The following ASS1 variants were observed in gnomAD, a reference collection of about 807,000 sequenced individuals.
ASS1 encodes the protein argininosuccinate synthase.
Under a neutral mutation model 60.5 loss-of-function variants are expected in ASS1, and 58 were observed. The observed-to-expected ratio is 0.96, with a 90% CI of 0.78 to 1.19. ASS1 has a LOEUF of 1.19. Ranked by LOEUF, ASS1 falls within the 50% of genes most tolerant of loss-of-function variation. The probability of loss-of-function intolerance (pLI) is 0.00; values close to 1 mark genes in which losing one functional copy is unlikely to be tolerated. For synonymous variants in ASS1, 200 were observed against 206.9 expected, an observed-to-expected ratio of 0.97 and a Z score of 0.29; for missense variants, 454 against 547.3, an observed-to-expected ratio of 0.83 and a Z score of 1.70.
At chr9:130,471,247 G>T (rs1321192933) in intron 7 of ASS1, among the ~76,000 whole-genome samples, 1 of 152,192 alleles carries the variant, frequency 6.6e-6, no homozygotes, top group Non-Finnish European at 1.5e-5. Context: ...CCAACCACGT[G>T]CAGAGCCCCG....
rs149172092 is a variant in ASS1, at chr9:130,477,105, C to T, written c.688+144C>T. 4.4e-4 allele frequency: 374 copies of T among 848,732 alleles called. 1 individual carries two copies. The African/African-American group carries it at 5.3e-3, about 12-fold the overall frequency. The allele number at this position is 848,732 out of a possible 1,614,324, so 52.6% of individuals were successfully genotyped here. ...AGTTCAGGCAGGGGCTTCAAGGTAA[C>T]GCACAGCCCACCTCCCTGGACAGTA... On this transcript the variant is annotated intron_variant, in intron 9 of 14. Coordinates refer to ENST00000352480, the MANE Select transcript of ASS1 (RefSeq NM_054012.4). This position sits in a 1 kb window ranked among gnomAD's most constrained non-coding sequence, Gnocchi z 4.2.
At position 130,495,164 on chromosome 9, in the gene ASS1, A is replaced by T. The variant is rs949166910; in HGVS notation, c.1127+141A>T. 4.1e-6 allele frequency: 5 copies of T among 1,212,454 alleles called. No individual in the cohort carries two copies. The South Asian group carries it at 6.5e-5, about 16-fold the overall frequency. 75.1% of individuals were successfully genotyped at this position (1,212,454 alleles called of 1,614,324 possible). A position where few individuals can be genotyped will look rare whatever the true frequency, so the allele number is the denominator to read the frequency against. ...GATGGTCACAGAGGATATAGACACC[A>T]CTATGCTCCCGTGGAACTTACAGGC... On this transcript the variant is annotated intron_variant, in intron 13 of 14. Coordinates refer to ENST00000352480, the MANE Select transcript of ASS1 (RefSeq NM_054012.4).
chr9:130,469,742 T>C (rs572541862), intron 6 of ASS1, among the ~76,000 whole-genome samples: 26 of 152,310 alleles, frequency 1.7e-4, no homozygotes, highest in Admixed American at 1.6e-3. Context: ...CTCATTTTAA[T>C]GTTAAGGTGG....
At chr9:130,465,273 G>A (rs1845708410) in intron 5 of ASS1, among the ~76,000 whole-genome samples, 1 of 151,650 alleles carries the variant, frequency 6.6e-6, no homozygotes, top group Non-Finnish European at 1.5e-5. Flanking sequence ...CCCGCCTTGG[G>A]CTCCCAAAGT....
At chr9:130,455,855 G>T (rs1421274953) in intron 3 of ASS1, among the ~76,000 whole-genome samples, 1 of 152,246 alleles carries the variant, frequency 6.6e-6, no homozygotes, top group Non-Finnish European at 1.5e-5. Flanking sequence ...ATGTTAAAAT[G>T]AACACGGGAG....
At position 130,489,405 on chromosome 9, in the gene ASS1, G is replaced by A. The variant is rs771640767; in HGVS notation, c.911G>A (p.Arg304Gln). 54 of 1,613,908 alleles carry A rather than the reference G, an allele frequency of 3.3e-5. No homozygotes were observed. Among genetic ancestry groups the A allele is most frequent in the East Asian group, 4.5e-5 (2 of 44,886 alleles). ...GACATCGAGGCCTTCACCATGGACCGGGAAGTGCGCAAAATCAAACAAGGC... is the reference window on the plus strand; with the variant it reads ...GACATCGAGGCCTTCACCATGGACCAGGAAGTGCGCAAAATCAAACAAGGC... ...HLDIEAFTMD[R>Q]EVRKIKQGLG... Residue 304 changes from arginine to glutamine, a missense_variant, in exon 12 of 15, where the codon CGG becomes CAG. Coordinates refer to ENST00000352480, the MANE Select transcript of ASS1 (RefSeq NM_054012.4). The surrounding 1 kb of genome is among the most constrained non-coding windows in gnomAD (Gnocchi z 4.1).
At chr9:130,472,394 G>A (rs1457894267) in intron 8 of ASS1, among the ~76,000 whole-genome samples, 1 of 152,176 alleles carries the variant, frequency 6.6e-6, no homozygotes, top group Non-Finnish European at 1.5e-5. Flanking sequence ...CCCCTGGTCG[G>A]TGTTGGCTGT....
At chr9:130,490,026 C>T (rs1411259388) in intron 12 of ASS1, among the ~76,000 whole-genome samples, 1 of 152,264 alleles carries the variant, frequency 6.6e-6, no homozygotes, top group African/African-American at 2.4e-5. Context: ...CAGATCTTGA[C>T]CATGAAACCA....
rs776754303 is a variant in ASS1 at position 130,464,153 on chromosome 9, G to T, written c.406G>T (p.Ala136Ser). Reference sequence around the variant, plus strand: ...GTTTGAGCTCAGCTGCTACTCACTGGCCCCCCAGATAAAGGTAGGATGTGG... The same window carrying T: ...GTTTGAGCTCAGCTGCTACTCACTGTCCCCCCAGATAAAGGTAGGATGTGG... ...VRFELSCYSL[A>S]PQIKVIAPWR... The change falls in exon 5 of 15, where the codon GCC (alanine) becomes TCC (serine). Residue 136 changes from alanine to serine, a missense_variant. Physicochemically the swap from Ala to Ser is moderately conservative, Grantham distance 99. Coordinates refer to ENST00000352480, the MANE Select transcript of ASS1 (RefSeq NM_054012.4). 8.7e-6 allele frequency: 14 copies of T among 1,614,158 alleles called. No individual in the cohort carries two copies. The highest frequency in any genetic ancestry group is 1.2e-5 in the Non-Finnish European group (14 of 1,180,010).
chr9:130,469,294 T>C (rs1401167473), intron 6 of ASS1, among the ~76,000 whole-genome samples: 1 of 152,168 alleles, frequency 6.6e-6, no homozygotes, highest in Non-Finnish European at 1.5e-5. Flanking sequence ...GAGTAGATCG[T>C]GGGCTGTGTT....
chr9:130,459,492 C>T lies in ASS1; in HGVS notation c.363+903C>T, dbSNP rs568451976. Among the ~76,000 whole-genome samples, 1 of 152,154 alleles carries T rather than the reference C, an allele frequency of 6.6e-6. No homozygotes were observed. The highest frequency in any genetic ancestry group is 2.4e-5 in the African/African-American group (1 of 41,522). On this transcript the variant is annotated intron_variant, in intron 4 of 14. Coordinates refer to ENST00000352480, the MANE Select transcript of ASS1 (RefSeq NM_054012.4). The surrounding 1 kb of genome is among the most constrained non-coding windows in gnomAD (Gnocchi z 4.6). The stretch of plus-strand genomic sequence containing the variant: ...TGACGCCCAGGCTGGAGTGCAGTGG[C>T]TCGATCTTGGCTCACTGCAACCTCT...
intron 8 of ASS1, among the ~76,000 whole-genome samples, chr9:130,475,741 G>GTTTTTT (rs35568745): frequency 3.0e-5 from 3 of 101,382 alleles, no homozygotes; most frequent in Admixed American, 1.2e-4. Flanking sequence ...TGTGCAAGGT[G>GTTTTTT]TTTTTTTTTT....
Position 130,481,332 on chromosome 9 carries a change from A to G in ASS1, c.838+883A>G, listed in dbSNP as rs1417646746. On this transcript the variant is annotated intron_variant, in intron 11 of 14. Transcript: ENST00000352480. ...AGGTTTCAGCAGTTGCAGCCCCTGA[A>G]TTGGGCACCTGAATTTTTATACTGG... Among the ~76,000 whole-genome samples, 3 of 151,946 alleles carry G rather than the reference A, an allele frequency of 2.0e-5. No homozygotes were observed. In the East Asian group the frequency reaches 5.8e-4, roughly 29 times the overall value.
At chr9:130,480,301 GCCC>G (rs1846135964) in intron 10 of ASS1, 81 bp from the exon 11 acceptor site, 2 of 1,468,802 alleles carry the variant, frequency 1.4e-6, no homozygotes, top group East Asian at 4.5e-5. Flanking sequence ...CCTAAGCTGT[GCCC>G]ACCCTGGGAC....
Position 130,445,004 on chromosome 9 carries a change from C to T in ASS1, c.-6+9C>T. On this transcript the variant is annotated intron_variant, in intron 1 of 14. Transcript: ENST00000352480. ...ACCGCTGCCCGAGCCCGGTAAGGAGCCCTCGGCCCCTCTCGCTGCCCACTC... is the reference window on the plus strand; with the variant it reads ...ACCGCTGCCCGAGCCCGGTAAGGAGTCCTCGGCCCCTCTCGCTGCCCACTC... 3.9e-6 allele frequency: 1 copy of T among 258,340 alleles called. No individual in the cohort carries two copies. Among genetic ancestry groups the T allele is most frequent in the Non-Finnish European group, 6.1e-6 (1 of 165,202 alleles). 16.0% of individuals were successfully genotyped at this position (258,340 alleles called of 1,614,324 possible).
intron 4 of ASS1, among the ~76,000 whole-genome samples, chr9:130,463,700 A>T (rs928089987): frequency 1.3e-5 from 2 of 152,184 alleles, no homozygotes; most frequent in African/African-American, 4.8e-5. Flanking sequence ...GGGGAGTCCA[A>T]GCACCCTGGT....
At chr9:130,448,586 CAG>C (rs1277798218) in intron 1 of ASS1, among the ~76,000 whole-genome samples, 3 of 152,160 alleles carry the variant, frequency 2.0e-5, no homozygotes, top group East Asian at 3.9e-4. Flanking sequence ...TTATTTAAGA[CAG>C]AGTTTCACTC....
At position 130,494,153 on chromosome 9, in the gene ASS1, G is replaced by A. The variant is rs113140413; in HGVS notation, c.971-714G>A. ...ATTCAGGGAGCTAGCCCAGATCAAAGCCTGAGCGCAGTGCTGCTTATCTAT... is the reference window on the plus strand; with the variant it reads ...ATTCAGGGAGCTAGCCCAGATCAAAACCTGAGCGCAGTGCTGCTTATCTAT... On this transcript the variant is annotated intron_variant, in intron 12 of 14. Transcript: ENST00000352480. The surrounding 1 kb of genome is among the most constrained non-coding windows in gnomAD (Gnocchi z 4.3). Among the ~76,000 whole-genome samples the A allele has an allele frequency of 1.3e-5, 2 of 152,320 alleles. No individual in the cohort carries two copies. Among genetic ancestry groups the A allele is most frequent in the Non-Finnish European group, 2.9e-5 (2 of 68,030 alleles).
Position 130,489,443 on chromosome 9 carries a change from T to C in ASS1, c.949T>C (p.Phe317Leu). 6.2e-7 allele frequency: 1 copy of C among 1,613,898 alleles called. No individual in the cohort carries two copies. The highest frequency in any genetic ancestry group is 8.5e-7 in the Non-Finnish European group (1 of 1,179,974). ...AATCAAACAAGGCCTGGGCTTGAAA[T>C]TTGCTGAGCTGGTGTATACCGGTGC... is the stretch of plus-strand genomic sequence containing the variant. ...RKIKQGLGLKFAELVYTGFWH... is the reference protein window; with the variant it reads ...RKIKQGLGLKLAELVYTGFWH... Residue 317 changes from phenylalanine (F) to leucine (L), a missense_variant, in exon 12 of 15, where the codon TTT becomes CTT. Transcript: ENST00000352480. This position sits in a 1 kb window ranked among gnomAD's most constrained non-coding sequence, Gnocchi z 4.1.
Sources: gnomAD v4.1 joint callset for allele counts (sites outside exome capture counted in the v4.1 genomes callset) on GRCh38, gnomAD v4.1.1 for gene constraint, Gnocchi (gnomAD v3.1) non-coding constraint, MANE v1.5 for transcripts, NCBI Gene and HGNC (gene_info 2026-07-23, HGNC 2026-07-21) for gene names.